The following TLR1 variants were observed in gnomAD, a reference collection of about 807,000 sequenced individuals.
The protein encoded by TLR1 is toll-like receptor 1.
A neutral mutation model predicts 20.2 loss-of-function variants in TLR1; 19 were observed. That is an observed-to-expected ratio of 0.94 (90% CI 0.66 to 1.38). The LOEUF is 1.38. Ranked by LOEUF, TLR1 falls within the 40% of genes most tolerant of loss-of-function variation. The probability of loss-of-function intolerance (pLI) is 0.00; values close to 1 mark genes in which losing one functional copy is unlikely to be tolerated. For missense variants in TLR1, 921 were observed against 910.0 expected, an observed-to-expected ratio of 1.01 and a Z score of -0.16; for synonymous variants, 320 against 334.5, an observed-to-expected ratio of 0.96 and a Z score of 0.47.
rs1283016586 is a variant in TLR1, at chr4:38,798,181, T to C, written c.651A>G (p.Glu217=). The stretch of plus-strand genomic sequence containing the variant: ...CTAGCACACATTTGATATTAGATAG[T>C]TCCAGATTTGCTACAGTCTTGACTG... ...DVSVKTVANL[E]LSNIKCVLED... Residue 217 remains glutamate (E), a synonymous_variant, in exon 4 of 4, where the codon GAA becomes GAG. Coordinates refer to ENST00000308979, the MANE Select transcript of TLR1 (RefSeq NM_003263.4). 16 of 1,613,968 alleles carry C rather than the reference T, an allele frequency of 9.9e-6. No individual in the cohort carries two copies. Among genetic ancestry groups the C allele is most frequent in the Non-Finnish European group, 1.3e-5 (15 of 1,179,982 alleles).
chr4:38,796,037 C>T (rs1726024805), downstream of TLR1, among the ~76,000 whole-genome samples: 1 of 152,090 alleles, frequency 6.6e-6, no homozygotes, highest in Non-Finnish European at 1.5e-5. Context: ...CAACGAGCAG[C>T]CATCAATAAG....
At position 38,797,276 on chromosome 4, in the gene TLR1, A is replaced by G. The variant is rs770835697; in HGVS notation, c.1556T>C (p.Ile519Thr). The change falls in exon 4 of 4, where the codon ATA (isoleucine) becomes ACA (threonine). Residue 519 changes from isoleucine (I) to threonine (T), a missense_variant. By Grantham distance (89) the Ile-to-Thr change is moderately conservative. Coordinates refer to ENST00000308979, the MANE Select transcript of TLR1 (RefSeq NM_003263.4). The part of the protein sequence containing the change: ...FFQSCQKMRS[I>T]KAGDNPFQCT... The stretch of plus-strand genomic sequence containing the variant: ...TTGGAATGGATTGTCCCCTGCTTTT[A>G]TTGACCTCATCTTCTGGCAGCTCTG... 3 of 1,614,188 alleles carry G rather than the reference A, an allele frequency of 1.9e-6. No homozygotes were observed. Among genetic ancestry groups the G allele is most frequent in the Non-Finnish European group, 2.5e-6 (3 of 1,180,024 alleles).
downstream of TLR1, chr4:38,796,239 G>T: frequency 2.0e-6 from 1 of 509,788 alleles, no homozygotes; most frequent in Non-Finnish European, 3.4e-6. Flanking sequence ...TTATAGCAAA[G>T]AAACAAGTGG....
chr4:38,796,900 A>C lies in TLR1; in HGVS notation c.1932T>G (p.Ser644Arg). 6.2e-7 allele frequency: 1 copy of C among 1,614,224 alleles called. No homozygotes were observed. The highest frequency in any genetic ancestry group is 8.5e-7 in the Non-Finnish European group (1 of 1,180,048). The change falls in exon 4 of 4, where the codon AGT becomes AGG. Residue 644 changes from serine to arginine, a missense_variant. By Grantham distance (110) the Ser-to-Arg change is moderately radical (BLOSUM62 -1). Transcript: ENST00000308979. ...NLQFHAFISY[S>R]GHDSFWVKNE... ...TCTTCACCCAGAAAGAATCGTGCCCACTATATGAAATAAATGCATGAAACT... is the reference window on the plus strand; with the variant it reads ...TCTTCACCCAGAAAGAATCGTGCCCCCTATATGAAATAAATGCATGAAACT...
downstream of TLR1, among the ~76,000 whole-genome samples, chr4:38,787,956 C>A (rs149244063): frequency 3.3e-4 from 51 of 152,330 alleles, no homozygotes; most frequent in African/African-American, 1.2e-3. Flanking sequence ...GCTCCCACTT[C>A]CCCTCTCAAC....
chr4:38,793,197 A>G (rs1421550168), downstream of TLR1, among the ~76,000 whole-genome samples: 1 of 152,092 alleles, frequency 6.6e-6, no homozygotes, highest in African/African-American at 2.4e-5. Context: ...GTCCTAGGGA[A>G]AGGGCTTCAA....
chr4:38,791,964 C>T (rs1208871452), downstream of TLR1, among the ~76,000 whole-genome samples: 3 of 152,176 alleles, frequency 2.0e-5, no homozygotes, highest in Non-Finnish European at 4.4e-5. Flanking sequence ...GCTTCTCTTC[C>T]CCACTGTGTC....
In TLR1 at chr4:38,802,931, G is replaced by T. The variant is rs561415691; in HGVS notation, c.-160+1375C>A. On this transcript the variant is annotated intron_variant, in intron 2 of 3. Coordinates refer to ENST00000308979, the MANE Select transcript of TLR1 (RefSeq NM_003263.4). ...TAATTGCCCTGCTGACGCTGTACAG[G>T]TGCATTGGCAGCCAGAGAAAGAGAG... Among the ~76,000 whole-genome samples the T allele has an allele frequency of 2.6e-5, 4 of 152,250 alleles. No individual in the cohort carries two copies. The South Asian group carries it at 8.3e-4, about 32-fold the overall frequency.
At position 38,798,877 on chromosome 4, in the gene TLR1, C is replaced by A. The variant is rs1434446133; in HGVS notation, c.-46G>T. ...TAAAGGTAGAAGCTGTTCTTCAGAT[C>A]ATCTTGATACAGATACAGATTCTAG... On this transcript the variant is annotated 5_prime_UTR_variant, in exon 4 of 4. An upstream start codon of the reference 5' UTR is lost. Transcript: ENST00000308979. 7.5e-7 allele frequency: 1 copy of A among 1,341,966 alleles called. No individual in the cohort carries two copies. The highest frequency in any genetic ancestry group is 1.5e-5 in the African/African-American group (1 of 68,168). The allele number at this position is 1,341,966 out of a possible 1,614,324, so 83.1% of individuals were successfully genotyped here.
In TLR1 at chr4:38,796,619, G is replaced by A; in HGVS notation, c.2213C>T (p.Ser738Phe). ...GAGCTTGTGATAACTGCTAGGAATG[G>A]AGTACTGCGGAATGGGTTCCAGCAA... ...LILLEPIPQYSIPSSYHKLKS... is the reference protein window; with the variant it reads ...LILLEPIPQYFIPSSYHKLKS... Residue 738 changes from serine (S) to phenylalanine (F), a missense_variant, in exon 4 of 4, where the codon TCC becomes TTC. Physicochemically the swap from Ser to Phe is radical, Grantham distance 155. Coordinates refer to ENST00000308979, the MANE Select transcript of TLR1 (RefSeq NM_003263.4). 1.9e-6 allele frequency: 3 copies of A among 1,614,206 alleles called. No homozygotes were observed. Among genetic ancestry groups the A allele is most frequent in the Non-Finnish European group, 1.7e-6 (2 of 1,180,046 alleles).
intron 2 of TLR1, among the ~76,000 whole-genome samples, chr4:38,801,951 C>T (rs1175607109): frequency 6.6e-6 from 1 of 152,186 alleles, no homozygotes; most frequent in Non-Finnish European, 1.5e-5. Context: ...AATTCCAGCA[C>T]TTCGGGAGGC....
upstream of TLR1, chr4:38,804,842 T>G (rs1478817858): frequency 6.6e-6 from 1 of 152,220 alleles, no homozygotes; most frequent in Non-Finnish European, 1.5e-5. Context: ...CCACATTTGG[T>G]GTTGAAAACA....
At chr4:38,788,704 G>T (rs1334607307), downstream of TLR1, among the ~76,000 whole-genome samples, 1 of 152,158 alleles carries the variant, frequency 6.6e-6, no homozygotes, top group Non-Finnish European at 1.5e-5. Flanking sequence ...ATATATACCT[G>T]CATTTAAATA....
chr4:38,789,954 G>T (rs1447428608), downstream of TLR1, among the ~76,000 whole-genome samples: 8 of 152,082 alleles, frequency 5.3e-5, no homozygotes, highest in Admixed American at 6.5e-5. Context: ...GTTAATAATT[G>T]CCTTGTATTT....
downstream of TLR1, among the ~76,000 whole-genome samples, chr4:38,795,769 T>C (rs912049555): frequency 2.6e-5 from 4 of 152,228 alleles, no homozygotes; most frequent in Non-Finnish European, 5.9e-5. Flanking sequence ...CGAGAATACT[T>C]AATCAAGCCA....
chr4:38,796,428 C>T lies in TLR1; in HGVS notation c.*43G>A, dbSNP rs545555159. On this transcript the variant is annotated 3_prime_UTR_variant, in exon 4 of 4. Coordinates refer to ENST00000308979, the MANE Select transcript of TLR1 (RefSeq NM_003263.4). ...AAGTCATTGTTGGAACTTCCAAAAG[C>T]AGCAATATCAACAGGAGGAATATTT... 11 of 1,575,810 alleles carry T rather than the reference C, an allele frequency of 7.0e-6. No individual in the cohort carries two copies. In the African/African-American group the frequency reaches 1.5e-4, roughly 21 times the overall value.
rs759987918 is a variant in TLR1 at position 38,796,720 on chromosome 4, A to T, written c.2112T>A (p.Ser704Arg). The stretch of plus-strand genomic sequence containing the variant: ...AGTAGAGTTCATAATGGCACCATTC[A>T]CTCTGGACAAAGTTGGGAGACAAAA... ...IFVLSPNFVQ[S>R]EWCHYELYFA... Residue 704 changes from serine to arginine, a missense_variant, in exon 4 of 4, where the codon AGT becomes AGA. Coordinates refer to ENST00000308979, the MANE Select transcript of TLR1 (RefSeq NM_003263.4). 1.2e-6 allele frequency: 2 copies of T among 1,614,170 alleles called. No individual in the cohort carries two copies. The highest frequency in any genetic ancestry group is 1.7e-6 in the Non-Finnish European group (2 of 1,180,040).
downstream of TLR1, among the ~76,000 whole-genome samples, chr4:38,795,172 C>T (rs1344611823): frequency 2.0e-5 from 3 of 151,904 alleles, no homozygotes; most frequent in Admixed American, 6.5e-5. Flanking sequence ...TGCTTCCCAT[C>T]CCGTAGTGTT....
At chr4:38,788,604 C>T (rs929080384), downstream of TLR1, among the ~76,000 whole-genome samples, 1 of 152,142 alleles carries the variant, frequency 6.6e-6, no homozygotes, top group African/African-American at 2.4e-5. Context: ...CTGCTAGAGC[C>T]AGCTTATACC....
Sources: gnomAD v4.1 joint callset for allele counts (sites outside exome capture counted in the v4.1 genomes callset) on GRCh38, gnomAD v4.1.1 for gene constraint, MANE v1.5 for transcripts, NCBI Gene and HGNC (gene_info 2026-07-23, HGNC 2026-07-21) for gene names.